The following PDGFD variants were observed in gnomAD, a reference collection of about 807,000 sequenced individuals.
PDGFD encodes the protein platelet derived growth factor D, also known as platelet-derived growth factor D.
In PDGFD, 30 loss-of-function variants were observed where a neutral mutation model predicts 44.7. The observed-to-expected ratio is 0.67, with a 90% confidence interval of 0.50 to 0.91. The LOEUF (loss-of-function observed/expected upper bound fraction) is 0.91. PDGFD is among the 40% of genes least tolerant of loss of function. PDGFD has a pLI of 0.00. For synonymous variants in PDGFD, 173 were observed against 168.4 expected, an observed-to-expected ratio of 1.03 and a Z score of -0.21; for missense variants, 445 against 457.8, an observed-to-expected ratio of 0.97 and a Z score of 0.25.
At chr11:104,031,725 A>G (rs983677705) in intron 1 of PDGFD, among the ~76,000 whole-genome samples, 1 of 152,238 alleles carries the variant, frequency 6.6e-6, no homozygotes, top group African/African-American at 2.4e-5. Flanking sequence ...TCACAATAAC[A>G]AAGACATGGA....
chr11:103,965,820 GAAAACCC>G (rs1334086000), intron 3 of PDGFD, among the ~76,000 whole-genome samples: 117 of 152,214 alleles, frequency 7.7e-4, no homozygotes, highest in African/African-American at 2.7e-3. Context: ...GAGCAAAATG[GAAAACCC>G]TGACACTTCG....
At chr11:103,975,084 T>C (rs1207307197) in intron 3 of PDGFD, among the ~76,000 whole-genome samples, 1 of 152,124 alleles carries the variant, frequency 6.6e-6, no homozygotes, top group Non-Finnish European at 1.5e-5. Flanking sequence ...GTCTTCCACA[T>C]TGGTTGAACT....
intron 6 of PDGFD, among the ~76,000 whole-genome samples, chr11:103,911,738 G>A (rs1361822522): frequency 1.3e-5 from 2 of 152,000 alleles, no homozygotes; most frequent in Non-Finnish European, 2.9e-5. Context: ...TTGAAAAAAG[G>A]TTAGATGAAT....
At chr11:104,142,542 A>G (rs866024510) in intron 1 of PDGFD, among the ~76,000 whole-genome samples, 3 of 152,124 alleles carry the variant, frequency 2.0e-5, no homozygotes, top group Non-Finnish European at 2.9e-5. Context: ...CTTACTAACA[A>G]CAGATGCTCA....
At chr11:104,108,943 T>C (rs1055665103) in intron 1 of PDGFD, among the ~76,000 whole-genome samples, 1 of 151,476 alleles carries the variant, frequency 6.6e-6, no homozygotes, top group East Asian at 1.9e-4. Flanking sequence ...CAGCAAACTA[T>C]TGCAAGAACA....
intron 1 of PDGFD, among the ~76,000 whole-genome samples, chr11:104,099,380 T>C (rs1407140802): frequency 2.6e-5 from 4 of 152,146 alleles, no homozygotes; most frequent in Admixed American, 2.0e-4. Flanking sequence ...TGGTTCACAC[T>C]TGTAATCCCA....
At chr11:104,044,815 G>C (rs1280989235) in intron 1 of PDGFD, among the ~76,000 whole-genome samples, 1 of 152,142 alleles carries the variant, frequency 6.6e-6, no homozygotes, top group Non-Finnish European at 1.5e-5. Flanking sequence ...AAGGTGAACG[G>C]ATCACGAGGT....
At chr11:103,934,177 T>C (rs1366226049) in intron 5 of PDGFD, among the ~76,000 whole-genome samples, 1 of 152,210 alleles carries the variant, frequency 6.6e-6, no homozygotes, top group South Asian at 2.1e-4. Flanking sequence ...TCTTTTACTA[T>C]GCAAAATGGG....
chr11:104,097,587 G>A (rs927189557), intron 1 of PDGFD, among the ~76,000 whole-genome samples: 1 of 152,122 alleles, frequency 6.6e-6, no homozygotes, highest in East Asian at 1.9e-4. Flanking sequence ...AGATGCTAAT[G>A]TTATACAGAG....
At chr11:104,118,238 T>A (rs1861669668) in intron 1 of PDGFD, among the ~76,000 whole-genome samples, 1 of 151,862 alleles carries the variant, frequency 6.6e-6, no homozygotes, top group East Asian at 1.9e-4. Flanking sequence ...GGTAATTAGA[T>A]CATGAGAGTG....
chr11:103,943,953 T>A (rs113732136), intron 4 of PDGFD, among the ~76,000 whole-genome samples: 6,072 of 152,232 alleles, frequency 0.04, 183 homozygotes, highest in African/African-American at 0.082. Context: ...TAAAATTAAG[T>A]TATCCAGTTT....
chr11:104,086,896 T>A, intron 1 of PDGFD, among the ~76,000 whole-genome samples: 1 of 152,052 alleles, frequency 6.6e-6, no homozygotes. Flanking sequence ...AAAATTAGAG[T>A]CTACGTCTTT....
chr11:104,016,495 C>T (rs939322083), intron 1 of PDGFD, among the ~76,000 whole-genome samples: 1 of 152,240 alleles, frequency 6.6e-6, no homozygotes, highest in Non-Finnish European at 1.5e-5. Context: ...GCAAGGGGAA[C>T]AGACTTACCA....
chr11:103,947,563 TC>T, intron 4 of PDGFD, 98 bp downstream of exon 4: 1 of 863,434 alleles, frequency 1.2e-6, no homozygotes. Context: ...TAGCTTTTGA[TC>T]AAGCCACAGG....
intron 6 of PDGFD, among the ~76,000 whole-genome samples, chr11:103,922,664 C>G (rs1025648364): frequency 6.6e-6 from 1 of 152,180 alleles, no homozygotes; most frequent in Non-Finnish European, 1.5e-5. Flanking sequence ...ATTCTCCTGC[C>G]TCAGCCTCCC....
chr11:104,124,542 T>C (rs1861817267), intron 1 of PDGFD, among the ~76,000 whole-genome samples: 1 of 152,116 alleles, frequency 6.6e-6, no homozygotes. Context: ...CATGTTCACA[T>C]TCATTTCTCA....
chr11:104,156,288 G>A (rs1862306835), intron 1 of PDGFD, among the ~76,000 whole-genome samples: 1 of 152,154 alleles, frequency 6.6e-6, no homozygotes, highest in Non-Finnish European at 1.5e-5. Flanking sequence ...ACAGGAGGTT[G>A]AAGCTGCAGT....
At chr11:104,098,962 G>A (rs779731542) in intron 1 of PDGFD, among the ~76,000 whole-genome samples, 8 of 95,028 alleles carry the variant, frequency 8.4e-5, no homozygotes, top group Non-Finnish European at 1.8e-4. Context: ...CATTGAGCAG[G>A]TTTTAAAAAT....
intron 3 of PDGFD, among the ~76,000 whole-genome samples, chr11:103,961,928 A>T (rs1212872548): frequency 1.3e-5 from 2 of 152,170 alleles, no homozygotes; most frequent in Non-Finnish European, 2.9e-5. Flanking sequence ...TTGTTAATAT[A>T]GCCACATCTT....
Sources: gnomAD v4.1 joint callset for allele counts (sites outside exome capture counted in the v4.1 genomes callset) on GRCh38, gnomAD v4.1.1 for gene constraint, MANE v1.5 for transcripts, NCBI Gene and HGNC (gene_info 2026-07-23, HGNC 2026-07-21) for gene names.